MEP1A: variants seen among roughly 807,000 people sequenced by gnomAD.
The protein encoded by MEP1A is meprin A subunit alpha.
In MEP1A, 68 loss-of-function variants were observed where a neutral mutation model predicts 84.5. The ratio of observed to expected loss-of-function variants is 0.80; its 90% CI spans 0.66 to 0.98. The LOEUF (loss-of-function observed/expected upper bound fraction) is 0.98. Ranked by LOEUF, MEP1A falls within the 50% of genes least tolerant of loss-of-function variation. MEP1A has a pLI of 0.00. For synonymous variants in MEP1A, 337 were observed against 336.8 expected (o/e 1.00, Z -0.01); for missense variants, 887 against 919.9 (o/e 0.96, Z 0.46).
intron 5 of MEP1A, among the ~76,000 whole-genome samples, chr6:46,806,387 G>T (rs1032086204): frequency 6.6e-6 from 1 of 152,060 alleles, no homozygotes; most frequent in Non-Finnish European, 1.5e-5. Context: ...TCTGGAATTT[G>T]TGGAGGATTT....
chr6:46,819,663 G>T lies in MEP1A; in HGVS notation c.515G>T (p.Arg172Leu), dbSNP rs766690241. The T allele has an allele frequency of 1.7e-5, 27 of 1,614,032 alleles. No individual in the cohort carries two copies. Among genetic ancestry groups the T allele is most frequent in the Non-Finnish European group, 2.2e-5 (26 of 1,179,964 alleles). ...GFYHEQSRTD[R>L]DDYVNIWWDQ... ...TACCACGAGCAGTCAAGGACGGACC[G>T]GGATGATTATGTGAACATCTGGTGG... The change falls in exon 7 of 14, where the codon CGG becomes CTG. Residue 172 changes from arginine (R) to leucine (L), a missense_variant. Physicochemically the swap from Arg to Leu is moderately radical, Grantham distance 102. Coordinates refer to ENST00000230588, the MANE Select transcript of MEP1A (RefSeq NM_005588.3).
At chr6:46,824,874 C>T (rs183093343) in intron 7 of MEP1A, among the ~76,000 whole-genome samples, 1 of 52,086 alleles carries the variant, frequency 1.9e-5, no homozygotes, top group African/African-American at 1.6e-4. Context: ...TTAAATAGAT[C>T]TATTTAAATA....
rs1209391866 is a variant in MEP1A at position 46,834,761 on chromosome 6, T to C, written c.1783+10T>C. ...TTTGTGGACTTTGAAGGTACTTTTG[T>C]TGGTCTTCCTGAGTAAATAATCCTA... On this transcript the variant is annotated intron_variant, in intron 12 of 13. Transcript: ENST00000230588. The C allele has an allele frequency of 9.4e-6, 15 of 1,603,476 alleles. No homozygotes were observed. The highest frequency in any genetic ancestry group is 9.4e-6 in the Non-Finnish European group (11 of 1,172,784).
intron 7 of MEP1A, among the ~76,000 whole-genome samples, chr6:46,823,132 G>A (rs1240790836): frequency 6.6e-6 from 1 of 152,172 alleles, no homozygotes; most frequent in African/African-American, 2.4e-5. Flanking sequence ...TGAAACATCA[G>A]TATTCAGATT....
rs531909694 is a variant in MEP1A, at chr6:46,810,973, A to G, written c.380+1436A>G. The stretch of plus-strand genomic sequence containing the variant: ...TGGGTTCTTTTTTGGTTCCATGTGA[A>G]TTTTAGGATGGTTTTTCCAGGTCTG... On this transcript the variant is annotated intron_variant, in intron 6 of 13. Coordinates refer to ENST00000230588, the MANE Select transcript of MEP1A (RefSeq NM_005588.3). Among the ~76,000 whole-genome samples, 409 of 152,048 alleles carry G rather than the reference A, an allele frequency of 2.7e-3. 2 individuals are homozygous for G. Among genetic ancestry groups the G allele is most frequent in the Non-Finnish European group, 3.5e-3 (235 of 67,912 alleles).
intron 6 of MEP1A, among the ~76,000 whole-genome samples, chr6:46,815,509 G>A (rs1328964): frequency 0.68 from 102,666 of 152,048 alleles, 35,207 homozygotes; most frequent in African/African-American, 0.77. Context: ...AACTTGTCCC[G>A]GACCACGAGC....
chr6:46,796,091 A>G (rs1767046387), intron 3 of MEP1A, among the ~76,000 whole-genome samples: 1 of 152,044 alleles, frequency 6.6e-6, no homozygotes, highest in Admixed American at 6.6e-5. Flanking sequence ...TAAGGAAGTG[A>G]TTTTCGATGT....
chr6:46,796,792 C>A (rs1767058462), intron 3 of MEP1A, among the ~76,000 whole-genome samples: 1 of 152,222 alleles, frequency 6.6e-6, no homozygotes, highest in Non-Finnish European at 1.5e-5. Flanking sequence ...GTTCACTTCA[C>A]TCTGAAAGAG....
chr6:46,829,651 C>A, intron 10 of MEP1A, 80 bp downstream of exon 10: 1 of 982,210 alleles, frequency 1.0e-6, no homozygotes, highest in Non-Finnish European at 1.6e-6. Context: ...CCTCTTTCCT[C>A]CTACTCCTCC....
At chr6:46,844,727 C>T (rs553735116), downstream of MEP1A, among the ~76,000 whole-genome samples, 4 of 152,186 alleles carry the variant, frequency 2.6e-5, no homozygotes, top group Admixed American at 1.3e-4. Context: ...TAATAGAATC[C>T]CCAAACTCCA....
intron 5 of MEP1A, among the ~76,000 whole-genome samples, chr6:46,801,288 A>T (rs1166906316): frequency 6.6e-6 from 1 of 152,114 alleles, no homozygotes; most frequent in Non-Finnish European, 1.5e-5. Context: ...TATTGATAGC[A>T]TTAATCTTTG....
Position 46,835,541 on chromosome 6 carries a change from G to C in MEP1A, c.2076G>C (p.Ala692=). 3 of 1,613,410 alleles carry C rather than the reference G, an allele frequency of 1.9e-6. No homozygotes were observed. Among genetic ancestry groups the C allele is most frequent in the Non-Finnish European group, 2.5e-6 (3 of 1,179,738 alleles). Residue 692 remains alanine (A), a synonymous_variant, in exon 13 of 14, where the codon GCG becomes GCC. Coordinates refer to ENST00000230588, the MANE Select transcript of MEP1A (RefSeq NM_005588.3). ...TCTGTGTGAACGTGAAGGGGATGGC[G>C]AGCTGCAGGTAGGCTCTGTGGCTGG... ...DGICVNVKGM[A]SCRCISGHAF... is the part of the protein sequence containing the mutation.
At chr6:46,844,542 A>G (rs546017089), downstream of MEP1A, among the ~76,000 whole-genome samples, 18 of 152,300 alleles carry the variant, frequency 1.2e-4, no homozygotes, top group East Asian at 2.1e-3. Context: ...GTGGCTCACC[A>G]GCTCAATGAA....
intron 6 of MEP1A, among the ~76,000 whole-genome samples, chr6:46,817,272 G>A (rs1274521689): frequency 1.3e-5 from 2 of 152,208 alleles, no homozygotes; most frequent in African/African-American, 4.8e-5. Context: ...TTCATTTGCT[G>A]AGGCTGGGAA....
At chr6:46,804,644 A>G (rs2150742232) in intron 5 of MEP1A, among the ~76,000 whole-genome samples, 1 of 151,870 alleles carries the variant, frequency 6.6e-6, no homozygotes, top group South Asian at 2.1e-4. Flanking sequence ...AAATATATAT[A>G]GGGTAAAATG....
chr6:46,831,883 T>C (rs768170283), intron 10 of MEP1A, among the ~76,000 whole-genome samples: 2 of 152,114 alleles, frequency 1.3e-5, no homozygotes, highest in Admixed American at 6.5e-5. Context: ...GTTACAGAGG[T>C]GGTCGTGTGC....
At chr6:46,806,246 G>T (rs977426203) in intron 5 of MEP1A, among the ~76,000 whole-genome samples, 4 of 151,872 alleles carry the variant, frequency 2.6e-5, no homozygotes, top group African/African-American at 9.7e-5. Context: ...ACAATTTCCT[G>T]TTCCTTCACA....
At chr6:46,796,727 C>T (rs1444489105) in intron 3 of MEP1A, among the ~76,000 whole-genome samples, 1 of 152,180 alleles carries the variant, frequency 6.6e-6, no homozygotes, top group Non-Finnish European at 1.5e-5. Context: ...TCTCCCTGCC[C>T]CCCATGACTC....
At chr6:46,802,226 C>G (rs1336791055) in intron 5 of MEP1A, among the ~76,000 whole-genome samples, 1 of 151,806 alleles carries the variant, frequency 6.6e-6, no homozygotes, top group South Asian at 2.1e-4. Context: ...GTACATCAGT[C>G]CATTTATTTC....
Sources: allele counts gnomAD v4.1 joint callset (sites outside exome capture counted in the v4.1 genomes callset), GRCh38; gene constraint gnomAD v4.1.1; transcripts MANE v1.5; gene names NCBI Gene and HGNC (gene_info 2026-07-23, HGNC 2026-07-21).